The following ZMYND11 variants were observed in gnomAD, a reference collection of about 807,000 sequenced individuals.
ZMYND11 encodes zinc finger MYND domain-containing protein 11.
A neutral mutation model predicts 84.9 loss-of-function variants in ZMYND11; 9 were observed. The ratio of observed to expected loss-of-function variants is 0.11; its 90% CI spans 0.06 to 0.18. The LOEUF is 0.18. ZMYND11 is among the 10% of genes least tolerant of loss of function. The pLI is 1.00. For synonymous variants in ZMYND11, 250 were observed against 244.1 expected, an observed-to-expected ratio of 1.02 and a Z score of -0.23; for missense variants, 409 against 761.0, an observed-to-expected ratio of 0.54 and a Z score of 5.44.
Position 149,373 on chromosome 10 carries a change from C to T in ZMYND11, c.-20+13814C>T, listed in dbSNP as rs192534209. 3.5e-3 allele frequency among the ~76,000 whole-genome samples: 526 copies of T among 151,126 alleles called. 7 individuals carry two copies. The highest frequency in any genetic ancestry group is 0.011 in the African/African-American group (444 of 41,184). On this transcript the variant is annotated intron_variant, in intron 1 of 14. Coordinates refer to ENST00000381604, the MANE Select transcript of ZMYND11 (RefSeq NM_001370100.5). ...TCGCCCAGGCTGGAGTGCAGTGGCGCGATCTTGGCTCACTGCAAGCTCCGC... is the reference window on the plus strand; with the variant it reads ...TCGCCCAGGCTGGAGTGCAGTGGCGTGATCTTGGCTCACTGCAAGCTCCGC...
intron 4 of ZMYND11, among the ~76,000 whole-genome samples, chr10:236,606 G>A (rs538840871): frequency 1.5e-4 from 23 of 152,206 alleles, no homozygotes; most frequent in African/African-American, 5.3e-4. Context: ...ATATAATCCT[G>A]TAAGGATATT....
At chr10:215,838 A>C (rs914243288) in intron 3 of ZMYND11, among the ~76,000 whole-genome samples, 1 of 152,148 alleles carries the variant, frequency 6.6e-6, no homozygotes, top group Admixed American at 6.5e-5. Context: ...AATTGCAGGC[A>C]TGAGCCACCA....
chr10:195,905 AG>A (rs925455812), intron 2 of ZMYND11, among the ~76,000 whole-genome samples: 2 of 152,354 alleles, frequency 1.3e-5, no homozygotes, highest in Non-Finnish European at 2.9e-5. Context: ...TAAACCAAGA[AG>A]AAGTAAATGG....
At chr10:249,135 A>G in intron 14 of ZMYND11, 47 bp downstream of exon 14, 2 of 1,611,348 alleles carry the variant, frequency 1.2e-6, no homozygotes, top group Admixed American at 1.7e-5. Context: ...AATGTACCAC[A>G]GGTATGATGC....
chr10:130,899 C>T (rs1262237468), upstream of ZMYND11, among the ~76,000 whole-genome samples: 2 of 152,142 alleles, frequency 1.3e-5, no homozygotes, highest in African/African-American at 2.4e-5. Flanking sequence ...GGGCAGATCA[C>T]TTGAGCTCAG....
intron 2 of ZMYND11, among the ~76,000 whole-genome samples, chr10:209,076 GGTTT>G (rs1047061364): frequency 4.6e-5 from 7 of 151,780 alleles, no homozygotes; most frequent in African/African-American, 1.7e-4. Flanking sequence ...TCAGCGTTGA[GGTTT>G]GTTTGGAGGA....
chr10:235,404 TC>T (rs1185619984), intron 4 of ZMYND11, among the ~76,000 whole-genome samples: 2 of 151,640 alleles, frequency 1.3e-5, no homozygotes, highest in Non-Finnish European at 2.9e-5. Flanking sequence ...TCAATTTGTC[TC>T]CCCCCGCCCC....
intron 10 of ZMYND11, among the ~76,000 whole-genome samples, chr10:245,876 G>C (rs1952021149): frequency 1.3e-5 from 2 of 152,164 alleles, no homozygotes; most frequent in Non-Finnish European, 2.9e-5. Flanking sequence ...GAAGACCCGA[G>C]AGATTCCAAC....
At chr10:200,202 T>C (rs997622163) in intron 2 of ZMYND11, among the ~76,000 whole-genome samples, 1 of 17,414 alleles carries the variant, frequency 5.7e-5, no homozygotes, top group African/African-American at 1.0e-4. Flanking sequence ...CATGCCTGGC[T>C]AGGGTGTGTG....
intron 2 of ZMYND11, among the ~76,000 whole-genome samples, chr10:190,731 C>T (rs901531181): frequency 6.6e-6 from 1 of 152,198 alleles, no homozygotes; most frequent in African/African-American, 2.4e-5. Flanking sequence ...AGACTATTCT[C>T]AATTGCCTGA....
At chr10:242,866 T>C (rs906727932) in intron 10 of ZMYND11, among the ~76,000 whole-genome samples, 2 of 152,176 alleles carry the variant, frequency 1.3e-5, no homozygotes, top group African/African-American at 4.8e-5. Flanking sequence ...CTATAAATAC[T>C]GTAAATTTCC....
intron 1 of ZMYND11, 57 bp from the exon 2 acceptor site, chr10:179,937 C>A: frequency 1.9e-6 from 2 of 1,045,278 alleles, no homozygotes; most frequent in Non-Finnish European, 2.9e-6. Flanking sequence ...CTCACTTATA[C>A]TGATAATTCA....
chr10:249,681 TC>T (rs1287427058), intron 14 of ZMYND11: 2 of 985,286 alleles, frequency 2.0e-6, no homozygotes, highest in Non-Finnish European at 2.4e-6. Context: ...GTCCAAGTGC[TC>T]GTCCTACAGC....
chr10:202,432 A>G (rs1466023113), intron 2 of ZMYND11, among the ~76,000 whole-genome samples: 1 of 152,306 alleles, frequency 6.6e-6, no homozygotes, highest in East Asian at 1.9e-4. Flanking sequence ...TTCTTGACAC[A>G]ACCATTATAA....
chr10:189,312 TA>T (rs1939681167), intron 2 of ZMYND11, among the ~76,000 whole-genome samples: 1 of 152,228 alleles, frequency 6.6e-6, no homozygotes. Context: ...AGGAACTGTT[TA>T]TTTATGTAAG....
At chr10:217,203 AAGTC>A (rs565127736) in intron 3 of ZMYND11, among the ~76,000 whole-genome samples, 81 of 152,268 alleles carry the variant, frequency 5.3e-4, no homozygotes, top group African/African-American at 1.5e-3. Context: ...TTTGGTCTCT[AAGTC>A]AGAGTTAATA....
chr10:204,284 G>A (rs974154662), intron 2 of ZMYND11, among the ~76,000 whole-genome samples: 1 of 152,016 alleles, frequency 6.6e-6, no homozygotes, highest in Non-Finnish European at 1.5e-5. Context: ...TGAAAATTCC[G>A]ATTTGTTCAT....
At chr10:196,102 A>G (rs545594258) in intron 2 of ZMYND11, among the ~76,000 whole-genome samples, 5 of 152,338 alleles carry the variant, frequency 3.3e-5, no homozygotes, top group African/African-American at 9.6e-5. Flanking sequence ...AATTCATTTC[A>G]TTCAGCAGTA....
At chr10:231,079 G>A (rs1181884967) in intron 4 of ZMYND11, among the ~76,000 whole-genome samples, 1 of 152,214 alleles carries the variant, frequency 6.6e-6, no homozygotes, top group Non-Finnish European at 1.5e-5. Flanking sequence ...GTATCCAAAA[G>A]TTTTATCGGA....
Sources: gnomAD v4.1 joint callset for allele counts (sites outside exome capture counted in the v4.1 genomes callset) on GRCh38, gnomAD v4.1.1 for gene constraint, MANE v1.5 for transcripts, NCBI Gene and HGNC (gene_info 2026-07-23, HGNC 2026-07-21) for gene names.